VWA5B1: variants seen among roughly 807,000 people sequenced by gnomAD.
VWA5B1 encodes the protein von Willebrand factor A domain-containing protein 5B1.
In VWA5B1, 115 loss-of-function variants were observed where a neutral mutation model predicts 118.2. That is an observed-to-expected ratio of 0.97 (90% CI 0.84 to 1.14). The LOEUF (loss-of-function observed/expected upper bound fraction) is 1.14. Ranked by LOEUF, VWA5B1 falls within the 50% of genes most tolerant of loss-of-function variation. The pLI, the probability that VWA5B1 is intolerant of heterozygous loss-of-function variation, is 0.00. For synonymous variants in VWA5B1, 682 were observed against 658.4 expected (o/e 1.04, Z -0.55); for missense variants, 1,596 against 1,603.8 (o/e 1.00, Z 0.08).
intron 1 of VWA5B1, among the ~76,000 whole-genome samples, chr1:20,296,083 G>A (rs759550919): frequency 2.6e-5 from 4 of 152,190 alleles, no homozygotes; most frequent in East Asian, 1.9e-4. Context: ...GGCTGGTCTC[G>A]AACTCCTGAC....
chr1:20,309,644 A>G (rs567410858), intron 1 of VWA5B1, among the ~76,000 whole-genome samples: 43 of 152,330 alleles, frequency 2.8e-4, no homozygotes, highest in African/African-American at 9.4e-4. Context: ...TCTGTCCAAG[A>G]AGCAAGGGAA....
intron 1 of VWA5B1, among the ~76,000 whole-genome samples, chr1:20,304,574 C>T (rs1012225089): frequency 9.9e-5 from 15 of 151,586 alleles, no homozygotes; most frequent in Non-Finnish European, 1.9e-4. Context: ...TGTGCACGTG[C>T]GTGCATGTGT....
chr1:20,357,726 T>G lies in VWA5B1; in HGVS notation c.*3463T>G, dbSNP rs938813815. 2.0e-5 allele frequency among the ~76,000 whole-genome samples: 3 copies of G among 152,344 alleles called. No homozygotes were observed. The South Asian group carries it at 6.2e-4, about 32-fold the overall frequency. On this transcript the variant is annotated 3_prime_UTR_variant, in exon 22 of 22. Transcript: ENST00000289815. ...CTCCTTGGTTCTCTAGGTGGGTTTGTCTTCACTGGCCCTAGAATGGTCCTG... is the reference window on the plus strand; with the variant it reads ...CTCCTTGGTTCTCTAGGTGGGTTTGGCTTCACTGGCCCTAGAATGGTCCTG...
rs1420672981 is a variant in VWA5B1 at position 20,356,299 on chromosome 1, C to G, written c.*2036C>G. The stretch of plus-strand genomic sequence containing the variant: ...GCAAGTGGTTTCTCCTCCTAGGTGC[C>G]CTGGAGCTGGGGCTTTCTCCTGCTC... On this transcript the variant is annotated 3_prime_UTR_variant, in exon 22 of 22. Transcript: ENST00000289815. Among the ~76,000 whole-genome samples, 2 of 152,188 alleles carry G rather than the reference C, an allele frequency of 1.3e-5. No individual in the cohort carries two copies. The highest frequency in any genetic ancestry group is 2.4e-5 in the African/African-American group (1 of 41,448).
intron 7 of VWA5B1, among the ~76,000 whole-genome samples, chr1:20,322,423 G>C (rs1348193501): frequency 6.6e-6 from 1 of 152,186 alleles, no homozygotes; most frequent in Non-Finnish European, 1.5e-5. Context: ...GAGAAGCAAG[G>C]GGAAGGGTCC....
At chr1:20,292,744 C>T (rs2088335600) in intron 1 of VWA5B1, among the ~76,000 whole-genome samples, 1 of 152,184 alleles carries the variant, frequency 6.6e-6, no homozygotes, top group South Asian at 2.1e-4. Flanking sequence ...GGCTGTGGGG[C>T]CCTCATCACC....
chr1:20,328,208 C>G (rs2089444989), intron 9 of VWA5B1, among the ~76,000 whole-genome samples: 1 of 151,988 alleles, frequency 6.6e-6, no homozygotes. Flanking sequence ...CTTCTGACAT[C>G]CCCTCCTCTT....
chr1:20,320,245 C>T (rs2089165469), intron 7 of VWA5B1, among the ~76,000 whole-genome samples: 1 of 152,236 alleles, frequency 6.6e-6, no homozygotes, highest in African/African-American at 2.4e-5. Flanking sequence ...AAGGGAAAGA[C>T]TGTGATCTCA....
rs2089060630 is a variant in VWA5B1, at chr1:20,317,633, T to C, written c.667T>C (p.Phe223Leu). Residue 223 changes from phenylalanine (F) to leucine (L), a missense_variant, in exon 5 of 22, where the codon TTC becomes CTC. Coordinates refer to ENST00000289815, the MANE Select transcript of VWA5B1 (RefSeq NM_001039500.3). ...AGTGTCCAACCCCATGGAGTATGAGTTCAACTTCCAGCTGGAGATCCGTGG... is the reference window on the plus strand; with the variant it reads ...AGTGTCCAACCCCATGGAGTATGAGCTCAACTTCCAGCTGGAGATCCGTGG... ...TEVSNPMEYE[F>L]NFQLEIRGPC... The C allele has an allele frequency of 1.3e-6, 2 of 1,551,216 alleles. No homozygotes were observed. Among genetic ancestry groups the C allele is most frequent in the Non-Finnish European group, 1.7e-6 (2 of 1,146,810 alleles).
chr1:20,343,533 C>A, intron 16 of VWA5B1, 140 bp downstream of exon 16: 1 of 1,367,212 alleles, frequency 7.3e-7, no homozygotes, highest in Non-Finnish European at 9.5e-7. Context: ...CCGGGTCCTA[C>A]CCCACCCCCT....
At chr1:20,315,997 G>A (rs1046895568) in intron 4 of VWA5B1, among the ~76,000 whole-genome samples, 1 of 152,178 alleles carries the variant, frequency 6.6e-6, no homozygotes, top group African/African-American at 2.4e-5. Context: ...CCACTGAGTG[G>A]GTCCTAATAC....
chr1:20,320,471 G>C (rs1447420028), intron 7 of VWA5B1, among the ~76,000 whole-genome samples: 1 of 152,156 alleles, frequency 6.6e-6, no homozygotes, highest in Non-Finnish European at 1.5e-5. Context: ...CTGGAGCCCG[G>C]GGTTCTCAGA....
At chr1:20,313,017 A>G in intron 3 of VWA5B1, 29 bp downstream of exon 3, 4 of 1,545,270 alleles carry the variant, frequency 2.6e-6, no homozygotes, top group African/African-American at 1.4e-5. Context: ...CTGCCGCGGG[A>G]CCTGGGTTTG....
chr1:20,295,719 CA>C (rs1443837112), intron 1 of VWA5B1, among the ~76,000 whole-genome samples: 2 of 152,170 alleles, frequency 1.3e-5, no homozygotes, highest in Non-Finnish European at 2.9e-5. Context: ...GGTCCCAACC[CA>C]GCCTAGAATG....
intron 14 of VWA5B1, chr1:20,338,409 G>GT (rs2089783326): frequency 4.1e-6 from 1 of 242,314 alleles, no homozygotes; most frequent in Non-Finnish European, 8.2e-6. Flanking sequence ...GAGTGCAGTG[G>GT]TGCCATCTCA....
intron 1 of VWA5B1, among the ~76,000 whole-genome samples, chr1:20,291,669 C>T (rs995620510): frequency 1.3e-5 from 2 of 152,238 alleles, no homozygotes; most frequent in African/African-American, 4.8e-5. Flanking sequence ...ACCCCGGCAG[C>T]CGGGCTCATG....
chr1:20,292,084 C>CT (rs1557822521), intron 1 of VWA5B1, among the ~76,000 whole-genome samples: 1 of 152,060 alleles, frequency 6.6e-6, no homozygotes, highest in South Asian at 2.1e-4. Flanking sequence ...TTCTCTCTTT[C>CT]TTTTTTCTTT....
chr1:20,345,527 G>A lies in VWA5B1; in HGVS notation c.2698G>A (p.Ala900Thr). Residue 900 changes from alanine (A) to threonine (T), a missense_variant, in exon 17 of 22, where the codon GCC becomes ACC. Coordinates refer to ENST00000289815, the MANE Select transcript of VWA5B1 (RefSeq NM_001039500.3). ...CTGCAACATCATTAGCAAATACACA[G>A]CCTTCGTGCCTGTGGACGTGAGCAA... is the stretch of plus-strand genomic sequence containing the variant. ...KACNIISKYTAFVPVDVSKSR... is the reference protein window; with the variant it reads ...KACNIISKYTTFVPVDVSKSR... 6.4e-7 allele frequency: 1 copy of A among 1,551,258 alleles called. No individual in the cohort carries two copies. Among genetic ancestry groups the A allele is most frequent in the African/African-American group, 1.4e-5 (1 of 73,176 alleles).
rs1484885583 is a variant in VWA5B1, at chr1:20,350,231, G to A, written c.2953+1G>A. On this transcript the variant is annotated splice_donor_variant, in intron 19 of 21. Coordinates refer to ENST00000289815, the MANE Select transcript of VWA5B1 (RefSeq NM_001039500.3). LOFTEE classifies it high-confidence loss of function. ...CGCGAGAAGCACGGTGCTTCTGAAG[G>A]TGAGTGGGCAGGTGGCGCTGCCTCT... 3 of 1,551,052 alleles carry A rather than the reference G, an allele frequency of 1.9e-6. No homozygotes were observed. The highest frequency in any genetic ancestry group is 1.7e-4 in the Middle Eastern group (1 of 5,992).
Sources: allele counts gnomAD v4.1 joint callset (sites outside exome capture counted in the v4.1 genomes callset), GRCh38; gene constraint gnomAD v4.1.1; transcripts MANE v1.5; gene names NCBI Gene and HGNC (gene_info 2026-07-23, HGNC 2026-07-21).